RNF111: variants seen among roughly 807,000 people sequenced by gnomAD.
The protein encoded by RNF111 is E3 ubiquitin-protein ligase Arkadia.
A neutral mutation model predicts 95.1 loss-of-function variants in RNF111; 17 were observed. The observed-to-expected ratio is 0.18, with a 90% confidence interval of 0.12 to 0.27. The LOEUF is 0.27. RNF111 is among the 10% of genes least tolerant of loss of function. The pLI, the probability that RNF111 is intolerant of heterozygous loss-of-function variation, is 1.00. For synonymous variants in RNF111, 440 were observed against 414.8 expected (o/e 1.06, Z -0.74); for missense variants, 1,189 against 1,210.4 (o/e 0.98, Z 0.26).
At chr15:59,021,702 G>A (rs2040352762) in intron 1 of RNF111, among the ~76,000 whole-genome samples, 1 of 152,176 alleles carries the variant, frequency 6.6e-6, no homozygotes, top group Non-Finnish European at 1.5e-5. Context: ...TAGGGGCAGA[G>A]TCAAGACTGT....
intron 6 of RNF111, among the ~76,000 whole-genome samples, chr15:59,073,585 C>T (rs533268191): frequency 1.5e-4 from 23 of 152,290 alleles, no homozygotes; most frequent in African/African-American, 5.1e-4. Flanking sequence ...TCTTCAGGTT[C>T]CAACTTCTTA....
rs74433142 is a variant in RNF111, at chr15:59,009,373, A to G, written c.-20+21305A>G. Reference sequence around the variant, plus strand: ...TGAGGGTGACTATCTCTGTGAGGGAAGATGCTAGTAGAACCCACTTTATTC... The same window carrying G: ...TGAGGGTGACTATCTCTGTGAGGGAGGATGCTAGTAGAACCCACTTTATTC... On this transcript the variant is annotated intron_variant, in intron 1 of 13. Transcript: ENST00000348370. 4.3e-3 allele frequency among the ~76,000 whole-genome samples: 651 copies of G among 152,174 alleles called. 5 individuals are homozygous for G. Among genetic ancestry groups the G allele is most frequent in the African/African-American group, 0.015 (623 of 41,508 alleles).
intron 1 of RNF111, among the ~76,000 whole-genome samples, chr15:59,024,937 G>T (rs997871001): frequency 3.3e-5 from 5 of 152,240 alleles, no homozygotes; most frequent in Non-Finnish European, 5.9e-5. Context: ...TTGTCTTGTT[G>T]TGTCTTCTTA....
chr15:59,063,881 G>A (rs183887923), intron 5 of RNF111, among the ~76,000 whole-genome samples: 5 of 152,120 alleles, frequency 3.3e-5, no homozygotes, highest in Non-Finnish European at 5.9e-5. Context: ...GTAATTTAGC[G>A]TATCCCAGTG....
intron 1 of RNF111, among the ~76,000 whole-genome samples, chr15:59,014,112 G>C (rs1596079302): frequency 1.3e-5 from 2 of 152,236 alleles, no homozygotes; most frequent in Middle Eastern, 3.4e-3. Flanking sequence ...TTTTGGAGTA[G>C]AATTAATACT....
At chr15:59,016,162 G>GTA (rs36006109) in intron 1 of RNF111, among the ~76,000 whole-genome samples, 1,608 of 147,904 alleles carry the variant, frequency 0.011, 20 homozygotes, top group East Asian at 0.04. Flanking sequence ...ATATATATAT[G>GTA]TATATATATA....
intron 13 of RNF111, 26 bp from the exon 14 acceptor site, chr15:59,094,756 TG>T: frequency 8.0e-7 from 1 of 1,254,888 alleles, no homozygotes; most frequent in Non-Finnish European, 1.2e-6. Context: ...AATTAATTTT[TG>T]CTTTTTGTTT....
intron 2 of RNF111, among the ~76,000 whole-genome samples, chr15:59,033,873 A>T (rs2041037056): frequency 6.6e-6 from 1 of 152,206 alleles, no homozygotes; most frequent in Admixed American, 6.5e-5. Context: ...GAAATCCAAA[A>T]TGTTGAAACC....
intron 1 of RNF111, among the ~76,000 whole-genome samples, chr15:59,002,260 T>G (rs1309449281): frequency 1.3e-5 from 2 of 152,234 alleles, no homozygotes; most frequent in African/African-American, 4.8e-5. Flanking sequence ...TGATGTATCC[T>G]TATCCTTATT....
intron 2 of RNF111, 148 bp from the exon 3 acceptor site, chr15:59,052,157 T>C: frequency 4.8e-6 from 3 of 621,208 alleles, no homozygotes; most frequent in Non-Finnish European, 5.3e-6. Context: ...TTTTTGTTCC[T>C]TGTGTATTTT....
chr15:58,995,307 A>G (rs1227164441), intron 1 of RNF111, among the ~76,000 whole-genome samples: 2 of 152,188 alleles, frequency 1.3e-5, no homozygotes, highest in African/African-American at 4.8e-5. Context: ...AGGAAGAGAC[A>G]TTCTTTTATC....
chr15:59,004,244 C>G (rs117415144), intron 1 of RNF111: 7,569 of 477,086 alleles, frequency 0.016, 112 homozygotes, highest in Non-Finnish European at 0.02. Flanking sequence ...TTTTCTCTCC[C>G]AATTATCTTT....
chr15:59,047,501 A>T (rs1164630227), intron 2 of RNF111, among the ~76,000 whole-genome samples: 2 of 152,032 alleles, frequency 1.3e-5, no homozygotes, highest in Non-Finnish European at 2.9e-5. Context: ...TCTCAAACAC[A>T]AACAGACAAA....
intron 7 of RNF111, 119 bp downstream of exon 7, chr15:59,076,334 A>G: frequency 1.7e-6 from 2 of 1,162,858 alleles, no homozygotes; most frequent in Non-Finnish European, 1.2e-6. Context: ...TTGGCTTAAG[A>G]GTAGGGTATA....
chr15:59,045,247 G>C (rs2041652380), intron 2 of RNF111, among the ~76,000 whole-genome samples: 2 of 149,736 alleles, frequency 1.3e-5, no homozygotes, highest in South Asian at 4.2e-4. Flanking sequence ...CTGGAGTGCA[G>C]TGGCACGATC....
intron 1 of RNF111, among the ~76,000 whole-genome samples, chr15:58,993,263 C>A (rs542021909): frequency 8.5e-5 from 13 of 152,230 alleles, no homozygotes; most frequent in African/African-American, 3.1e-4. Flanking sequence ...AATCCCAGAA[C>A]TTTGGGAGGC....
rs71425836 is a variant in RNF111, at chr15:59,012,003, C to CTTTTTTTTTTTTTTTTTTTTTTTT, written c.-19-18795_-19-18772dup. ...TTAGTGTTCTTTTTTGTTTGTTTGC[C>CTTTTTTTTTTTTTTTTTTTTTTTT]TTTTTTTTTTTTTTTTTTTTTTTTT... On this transcript the variant is annotated intron_variant, in intron 1 of 13. Transcript: ENST00000348370. Among the ~76,000 whole-genome samples, 6 of 40,450 alleles carry CTTTTTTTTTTTTTTTTTTTTTTTT rather than the reference C, an allele frequency of 1.5e-4. 2 individuals carry two copies. Among genetic ancestry groups the CTTTTTTTTTTTTTTTTTTTTTTTT allele is most frequent in the African/African-American group, 1.7e-4 (2 of 12,118 alleles). The allele number at this position is 40,450 out of a possible 152,430, so 26.5% of individuals were successfully genotyped here. A position where few individuals can be genotyped will look rare whatever the true frequency, so the allele number is the denominator to read the frequency against.
At chr15:59,090,292 C>T (rs1326718489) in intron 11 of RNF111, among the ~76,000 whole-genome samples, 5 of 152,162 alleles carry the variant, frequency 3.3e-5, no homozygotes, top group African/African-American at 9.7e-5. Flanking sequence ...TGCAGTTGCA[C>T]AATCTCAGCT....
In RNF111 at chr15:59,030,975, A is replaced by G. The variant is rs1184341473; in HGVS notation, c.153A>G (p.Ala51=). 2.5e-6 allele frequency: 4 copies of G among 1,614,226 alleles called. No homozygotes were observed. Among genetic ancestry groups the G allele is most frequent in the Admixed American group, 3.3e-5 (2 of 60,026 alleles). ...TTGGGGCAGCCAAAAGTTTTCCTGC[A>G]GGAGTTGAGATGATTAATAGTAAAG... ...EPIGAAKSFP[A]GVEMINSKVG... Residue 51 remains alanine, a synonymous_variant, in exon 2 of 14, where the codon GCA becomes GCG. Transcript: ENST00000348370.
Sources: allele counts gnomAD v4.1 joint callset (sites outside exome capture counted in the v4.1 genomes callset), GRCh38; gene constraint gnomAD v4.1.1; transcripts MANE v1.5; gene names NCBI Gene and HGNC (gene_info 2026-07-23, HGNC 2026-07-21).